Variants in VPS13C observed in about 807,000 individuals in gnomAD.
VPS13C encodes the protein vacuolar protein sorting 13 homolog C.
Under a neutral mutation model 456.8 loss-of-function variants are expected in VPS13C, and 358 were observed. That is an observed-to-expected ratio of 0.78 (90% CI 0.72 to 0.86). The LOEUF (loss-of-function observed/expected upper bound fraction) is 0.86, where lower values mean the gene tolerates loss of function less well. Ranked by LOEUF, VPS13C falls within the 40% of genes least tolerant of loss-of-function variation. The pLI is 0.00. For missense variants in VPS13C, 4,818 were observed against 4,385.4 expected, an observed-to-expected ratio of 1.10 and a Z score of -2.79; for synonymous variants, 1,578 against 1,486.7, an observed-to-expected ratio of 1.06 and a Z score of -1.41.
chr15:61,962,686 T>C, intron 33 of VPS13C, 63 bp downstream of exon 33: 2 of 1,364,204 alleles, frequency 1.5e-6, no homozygotes, highest in Non-Finnish European at 2.0e-6. Flanking sequence ...TAAAATACAT[T>C]TTACAATAGA....
chr15:61,963,819 C>T lies in VPS13C; in HGVS notation c.3331+16G>A. On this transcript the variant is annotated intron_variant, in intron 32 of 84. Transcript: ENST00000644861. ...TTTATCTTTTCGCCAATTTTCAATG[C>T]CGTGTGAACTTTTACCTTGAATCTT... is the stretch of plus-strand genomic sequence containing the variant. 1.9e-6 allele frequency: 3 copies of T among 1,558,376 alleles called. No homozygotes were observed. Among genetic ancestry groups the T allele is most frequent in the South Asian group, 1.1e-5 (1 of 88,342 alleles).
At position 62,007,394 on chromosome 15, in the gene VPS13C, TG is replaced by T; in HGVS notation, c.1203del (p.His401GlnfsTer16). ...ATTTTATAACTCTTGAGTAACTGCC[TG>T]TGCTTTTTTATGTTACTCCATGACC... ...QMWSWSNIKK[H>X]RQLLKSYKIA... is the part of the protein sequence containing the mutation. On this transcript the variant is annotated frameshift_variant, in exon 15 of 85. Transcript: ENST00000644861. LOFTEE classifies it high-confidence loss of function. The T allele has an allele frequency of 6.2e-7, 1 of 1,613,116 alleles. No individual in the cohort carries two copies. The highest frequency in any genetic ancestry group is 8.5e-7 in the Non-Finnish European group (1 of 1,179,524).
chr15:61,988,723 C>T (rs2046134125), intron 18 of VPS13C, among the ~76,000 whole-genome samples: 1 of 152,146 alleles, frequency 6.6e-6, no homozygotes. Flanking sequence ...AGACACAATA[C>T]TACAAAGACA....
At chr15:62,006,640 A>C (rs551905196) in intron 15 of VPS13C, among the ~76,000 whole-genome samples, 17 of 152,344 alleles carry the variant, frequency 1.1e-4, no homozygotes, top group African/African-American at 4.1e-4. Flanking sequence ...TGGCTGGGTC[A>C]AATGGTATTT....
chr15:62,014,317 A>T (rs1034551862), intron 9 of VPS13C, among the ~76,000 whole-genome samples: 2 of 152,076 alleles, frequency 1.3e-5, no homozygotes, highest in Middle Eastern at 3.2e-3. Context: ...CATTCTTTTT[A>T]AAAAAACAAG....
intron 48 of VPS13C, among the ~76,000 whole-genome samples, chr15:61,936,034 A>G (rs1596352610): frequency 1.3e-5 from 2 of 152,220 alleles, no homozygotes; most frequent in Non-Finnish European, 2.9e-5. Context: ...ATTATATGTA[A>G]TATAATCTGT....
chr15:61,937,931 C>T (rs748553006), intron 47 of VPS13C, among the ~76,000 whole-genome samples: 1 of 152,124 alleles, frequency 6.6e-6, no homozygotes, highest in Non-Finnish European at 1.5e-5. Context: ...CTCCAAAGGC[C>T]TGTTTCAAGT....
At position 61,954,425 on chromosome 15, in the gene VPS13C, T is replaced by G. The variant is rs905456199; in HGVS notation, c.4295A>C (p.Lys1432Thr). The G allele has an allele frequency of 1.9e-6, 3 of 1,603,936 alleles. No homozygotes were observed. The highest frequency in any genetic ancestry group is 1.7e-5 in the Admixed American group (1 of 57,698). Residue 1432 changes from lysine (K) to threonine (T), a missense_variant, in exon 38 of 85, where the codon AAA becomes ACA. Around this residue, in one of 3 missense-constraint regions of VPS13C, gnomAD observed 4,552 missense variants for 4,130.6 expected, o/e 1.10. Coordinates refer to ENST00000644861, the MANE Select transcript of VPS13C (RefSeq NM_020821.3). ...AAACAGATGAAAATTACACACCTCT[T>G]TAATTTCAAAATTCAGCAGCATATT... ...IINMLLNFEI[K>T]EVVVTLMKKS...
chr15:61,919,593 A>C (rs2140175530), intron 57 of VPS13C, 144 bp from the exon 58 acceptor site: 1 of 905,354 alleles, frequency 1.1e-6, no homozygotes, highest in Non-Finnish European at 1.5e-6. Context: ...CTAAGACATA[A>C]ACTTAAAAAG....
chr15:61,880,815 AT>A, intron 72 of VPS13C, 27 bp downstream of exon 72: 1 of 1,570,660 alleles, frequency 6.4e-7, no homozygotes, highest in Non-Finnish European at 8.6e-7. Flanking sequence ...TTAATTTTAT[AT>A]TTTCCCCAAG....
At chr15:61,956,143 C>T (rs2044988235) in intron 37 of VPS13C, among the ~76,000 whole-genome samples, 1 of 152,066 alleles carries the variant, frequency 6.6e-6, no homozygotes, top group Non-Finnish European at 1.5e-5. Flanking sequence ...TGCTATGCAA[C>T]CACAGAAAAG....
intron 74 of VPS13C, among the ~76,000 whole-genome samples, chr15:61,877,457 G>A (rs541067779): frequency 1.0e-4 from 8 of 78,024 alleles, no homozygotes; most frequent in African/African-American, 2.2e-4. Context: ...CATTTTTAAC[G>A]GATGCATAGC....
At chr15:61,949,850 TAAAGATACAGG>T (rs777605126) in intron 41 of VPS13C, among the ~76,000 whole-genome samples, 2 of 152,202 alleles carry the variant, frequency 1.3e-5, no homozygotes, top group Non-Finnish European at 2.9e-5. Flanking sequence ...GAGTTTTAAG[TAAAGATACAGG>T]AAATATTATC....
rs2044636428 is a variant in VPS13C at position 61,947,236 on chromosome 15, A to G, written c.4833T>C (p.Phe1611=). The G allele has an allele frequency of 1.2e-6, 2 of 1,607,720 alleles. No homozygotes were observed. Among genetic ancestry groups the G allele is most frequent in the Non-Finnish European group, 1.7e-6 (2 of 1,178,086 alleles). The change falls in exon 43 of 85, where the codon TTT becomes TTC. Residue 1611 remains phenylalanine (F), a synonymous_variant. Transcript: ENST00000644861. ...ITAELNAFNV[F]VCDQKCNIAD... The stretch of plus-strand genomic sequence containing the variant: ...CAATGTTACACTTCTGATCACAGAC[A>G]AAGACATTAAATGCATTTAATTCAG...
Position 61,917,347 on chromosome 15 carries a change from T to G in VPS13C, c.8049A>C (p.Leu2683Phe), listed in dbSNP as rs918612897. ...RNLLPYSLRYLLEGTAETHEL... is the reference protein window; with the variant it reads ...RNLLPYSLRYFLEGTAETHEL... ...CAAAATGCAAGAGACATACCTCAAG[T>G]AAATATCTTAGGGAATATGGGAGAA... Residue 2683 changes from leucine (L) to phenylalanine (F), a missense_variant, in exon 60 of 85, where the codon TTA (leucine) becomes TTC (phenylalanine). Leu to Phe is a conservative substitution (Grantham distance 22). Coordinates refer to ENST00000644861, the MANE Select transcript of VPS13C (RefSeq NM_020821.3). The G allele has an allele frequency of 5.6e-6, 9 of 1,611,128 alleles. No individual in the cohort carries two copies. Among genetic ancestry groups the G allele is most frequent in the African/African-American group, 2.7e-5 (2 of 74,796 alleles).
At chr15:61,989,328 G>A (rs141776747) in intron 18 of VPS13C, among the ~76,000 whole-genome samples, 1 of 152,122 alleles carries the variant, frequency 6.6e-6, no homozygotes, top group East Asian at 1.9e-4. Context: ...TTCAACCCAG[G>A]AGGCAGAGGA....
chr15:62,056,082 A>G (rs756536296), intron 1 of VPS13C, among the ~76,000 whole-genome samples: 24 of 152,196 alleles, frequency 1.6e-4, no homozygotes, highest in Non-Finnish European at 3.2e-4. Flanking sequence ...CTAGTTAGAC[A>G]TTCCAGTTAA....
At chr15:61,874,202 G>A (rs1310205304) in intron 77 of VPS13C, among the ~76,000 whole-genome samples, 1 of 152,004 alleles carries the variant, frequency 6.6e-6, no homozygotes, top group African/African-American at 2.4e-5. Context: ...AGAGGATAGG[G>A]AGAGATTGGT....
At chr15:61,994,746 C>T (rs1366202551) in intron 16 of VPS13C, among the ~76,000 whole-genome samples, 1 of 152,156 alleles carries the variant, frequency 6.6e-6, no homozygotes, top group Non-Finnish European at 1.5e-5. Flanking sequence ...TGTGCCACCA[C>T]ACCCGGCTAA....
Sources: allele counts gnomAD v4.1 joint callset (sites outside exome capture counted in the v4.1 genomes callset), GRCh38; gene constraint gnomAD v4.1.1; regional missense constraint gnomAD v4.1.1; transcripts MANE v1.5; gene names NCBI Gene and HGNC (gene_info 2026-07-23, HGNC 2026-07-21).